The following DCLRE1C variants were observed in gnomAD, a reference collection of about 807,000 sequenced individuals.
DCLRE1C encodes the protein DNA cross-link repair 1C.
DCLRE1C carries 47 observed loss-of-function variants against 61.4 expected under a neutral mutation model. That is an observed-to-expected ratio of 0.77 (90% confidence interval 0.61 to 0.98). The LOEUF (loss-of-function observed/expected upper bound fraction) is 0.98. Among genes scored for constraint, DCLRE1C ranks in the 50% least tolerant of loss-of-function variants. DCLRE1C has a pLI of 0.00. For synonymous variants in DCLRE1C, 337 were observed against 287.6 expected (o/e 1.17, Z -1.74); for missense variants, 858 against 816.0 (o/e 1.05, Z -0.63).
intron 9 of DCLRE1C, among the ~76,000 whole-genome samples, chr10:14,928,529 C>T (rs984433297): frequency 3.9e-5 from 6 of 152,320 alleles, no homozygotes; most frequent in African/African-American, 7.2e-5. Flanking sequence ...CTGGGGACAT[C>T]TGAACACGGA....
At chr10:14,914,871 C>T (rs1835902821) in intron 13 of DCLRE1C, among the ~76,000 whole-genome samples, 1 of 151,282 alleles carries the variant, frequency 6.6e-6, no homozygotes, top group South Asian at 2.1e-4. Flanking sequence ...ACCTGGGAGG[C>T]AGAGGTTGCA....
At chr10:14,939,641 C>T (rs540571948) in intron 4 of DCLRE1C, among the ~76,000 whole-genome samples, 169 bp downstream of exon 4, 2 of 152,214 alleles carry the variant, frequency 1.3e-5, no homozygotes, top group Non-Finnish European at 2.9e-5. Flanking sequence ...TAAAACCCCA[C>T]TCAATGACTA....
At chr10:14,936,449 C>T (rs1271448218) in intron 5 of DCLRE1C, 89 bp downstream of exon 5, 16 of 1,008,360 alleles carry the variant, frequency 1.6e-5, no homozygotes, top group Admixed American at 3.9e-5. Context: ...CACCCAGCCC[C>T]CTATTAATTT....
intron 13 of DCLRE1C, among the ~76,000 whole-genome samples, chr10:14,919,145 C>A (rs959383032): frequency 6.6e-6 from 1 of 152,100 alleles, no homozygotes; most frequent in Non-Finnish European, 1.5e-5. Flanking sequence ...GAATGAAAAT[C>A]AAGAATCCTA....
At chr10:14,932,778 A>G in intron 9 of DCLRE1C, 76 bp downstream of exon 9, 2 of 1,550,586 alleles carry the variant, frequency 1.3e-6, no homozygotes, top group African/African-American at 1.4e-5. Flanking sequence ...CGAAGAGCCT[A>G]TAAATGGAAG....
exon 14 of DCLRE1C, chr10:14,898,056 C>T (rs1833711449): frequency 1.3e-5 from 2 of 151,110 alleles, no homozygotes; most frequent in African/African-American, 4.9e-5. Context: ...CATACAAATA[C>T]TAGCAAATTT....
At chr10:14,954,323 C>G, upstream of DCLRE1C, 1 of 471,668 alleles carries the variant, frequency 2.1e-6, no homozygotes, top group Non-Finnish European at 3.9e-6. Context: ...TTGCCCATGT[C>G]TGTGGAGGTG....
At chr10:14,952,209 G>C (rs749985042) in intron 1 of DCLRE1C, among the ~76,000 whole-genome samples, 1 of 152,018 alleles carries the variant, frequency 6.6e-6, no homozygotes, top group African/African-American at 2.4e-5. Flanking sequence ...AGCCCATTTT[G>C]AGTTCAGAGA....
chr10:14,927,112 T>A (rs1838137634), intron 10 of DCLRE1C, among the ~76,000 whole-genome samples: 1 of 152,158 alleles, frequency 6.6e-6, no homozygotes, highest in Non-Finnish European at 1.5e-5. Flanking sequence ...CCGCGTGTGG[T>A]GGCTCACGCC....
At chr10:14,943,632 A>G in intron 3 of DCLRE1C, among the ~76,000 whole-genome samples, 1 of 152,202 alleles carries the variant, frequency 6.6e-6, no homozygotes, top group Admixed American at 6.5e-5. Context: ...AGCTCACTGC[A>G]ACCTCCGCCT....
At position 14,905,145 on chromosome 10, in the gene DCLRE1C, C is replaced by T. The variant is rs1834286960; in HGVS notation, c.*3263G>A. On this transcript the variant is annotated 3_prime_UTR_variant, in exon 14 of 14. Transcript: ENST00000378278. The stretch of plus-strand genomic sequence containing the variant: ...ATTGACTACGTGCTAGCAAGATTAA[C>T]CGAAGGTTTATATTCAATTCCTTTA... Among the ~76,000 whole-genome samples the T allele has an allele frequency of 6.6e-6, 1 of 152,214 alleles. No individual in the cohort carries two copies.
chr10:14,919,283 T>A (rs1484194639), intron 13 of DCLRE1C, among the ~76,000 whole-genome samples: 1 of 152,130 alleles, frequency 6.6e-6, no homozygotes, highest in African/African-American at 2.4e-5. Flanking sequence ...AGGTACAAAG[T>A]ATAGAGAAAA....
At position 14,908,366 on chromosome 10, in the gene DCLRE1C, A is replaced by G. The variant is rs369682863; in HGVS notation, c.*42T>C. ...GTAATATTGACTGTCATCTCTGTGC[A>G]GGTTTTTTAGTGGTTGCTCTAGGTT... On this transcript the variant is annotated 3_prime_UTR_variant, in exon 14 of 14. Transcript: ENST00000378278. 1.9e-5 allele frequency: 27 copies of G among 1,429,384 alleles called. No homozygotes were observed. The highest frequency in any genetic ancestry group is 8.0e-5 in the South Asian group (7 of 87,148). 88.5% of individuals were successfully genotyped at this position (1,429,384 alleles called of 1,614,324 possible). A position where few individuals can be genotyped will look rare whatever the true frequency, so the allele number is the denominator to read the frequency against.
chr10:14,910,730 CA>C (rs1205176564), intron 13 of DCLRE1C, among the ~76,000 whole-genome samples: 3 of 152,050 alleles, frequency 2.0e-5, no homozygotes, highest in Non-Finnish European at 4.4e-5. Context: ...ATAAAAGGCA[CA>C]AAAGATTAAA....
intron 9 of DCLRE1C, 117 bp downstream of exon 9, chr10:14,932,737 G>T: frequency 1.7e-6 from 2 of 1,206,734 alleles, no homozygotes; most frequent in Non-Finnish European, 2.4e-6. Flanking sequence ...AACAACTTAG[G>T]ATTGCAGCCT....
At chr10:14,920,898 G>T (rs540882300) in intron 12 of DCLRE1C, among the ~76,000 whole-genome samples, 1 of 152,112 alleles carries the variant, frequency 6.6e-6, no homozygotes, top group South Asian at 2.1e-4. Context: ...CAGGAAAATC[G>T]CTTGAACCCA....
At position 14,908,749 on chromosome 10, in the gene DCLRE1C, G is replaced by T. The variant is rs61755345; in HGVS notation, c.1738C>A (p.Pro580Thr). The T allele has an allele frequency of 1.2e-6, 2 of 1,614,148 alleles. No homozygotes were observed. Among genetic ancestry groups the T allele is most frequent in the Non-Finnish European group, 1.7e-6 (2 of 1,180,006 alleles). The change falls in exon 14 of 14, where the codon CCA becomes ACA. Residue 580 changes from proline (P) to threonine (T), a missense_variant. Transcript: ENST00000378278. ...ITSLDKADYR[P>T]TIKENIPASL... ...GCAGGAATATTCTCTTTGATTGTTG[G>T]TCTGTAGTCAGCTTTGTCCAAGGAA...
Position 14,899,342 on chromosome 10 carries a change from T to C in DCLRE1C, c.1157-30A>G, listed in dbSNP as rs1351567221. ...TTAAAAAAAAAAGGTCATCAGTCTTTTGCATTATCATTTTTCTTCCCCTCA... is the reference window on the plus strand; with the variant it reads ...TTAAAAAAAAAAGGTCATCAGTCTTCTGCATTATCATTTTTCTTCCCCTCA... On this transcript the variant is annotated intron_variant, in intron 13 of 13. Transcript: ENST00000378289. 9 of 696,424 alleles carry C rather than the reference T, an allele frequency of 1.3e-5. No homozygotes were observed. The African/African-American group carries it at 1.6e-4, about 12-fold the overall frequency. The allele number at this position is 696,424 out of a possible 1,614,324, so 43.1% of individuals were successfully genotyped here. A position where few individuals can be genotyped will look rare whatever the true frequency, so the allele number is the denominator to read the frequency against.
rs1379178154 is a variant in DCLRE1C, at chr10:14,928,730, G to A, written c.781-578C>T. 6.6e-5 allele frequency among the ~76,000 whole-genome samples: 10 copies of A among 152,048 alleles called. 1 individual carries two copies. The East Asian group carries it at 1.7e-3, about 26-fold the overall frequency. ...AGTTGGTTATAAGTACAGAGACAGA[G>A]GAAGAGAGGTGCAAAGTGTTGGCAA... On this transcript the variant is annotated intron_variant, in intron 9 of 13. Coordinates refer to ENST00000378278, the MANE Select transcript of DCLRE1C (RefSeq NM_001033855.3).
Sources: allele counts gnomAD v4.1 joint callset (sites outside exome capture counted in the v4.1 genomes callset), GRCh38; gene constraint gnomAD v4.1.1; transcripts MANE v1.5; gene names NCBI Gene and HGNC (gene_info 2026-07-23, HGNC 2026-07-21).